Variants in AGAP1 observed in about 807,000 individuals in gnomAD.
AGAP1 encodes the protein arf-GAP with GTPase, ANK repeat and PH domain-containing protein 1.
Under a neutral mutation model 105.3 loss-of-function variants are expected in AGAP1, and 29 were observed. That is an observed-to-expected ratio of 0.28 (90% CI 0.21 to 0.38). AGAP1 has a LOEUF of 0.38. Ranked by LOEUF, AGAP1 falls within the 10% of genes least tolerant of loss-of-function variation. The pLI is 1.00. For synonymous variants in AGAP1, 509 were observed against 485.9 expected (o/e 1.05, Z -0.63); for missense variants, 998 against 1,165.1 (o/e 0.86, Z 2.09).
intron 1 of AGAP1, among the ~76,000 whole-genome samples, chr2:235,531,034 TAGAAAGTACAGTG>T (rs1424547802): frequency 6.6e-6 from 1 of 152,210 alleles, no homozygotes; most frequent in Non-Finnish European, 1.5e-5. Context: ...CACTTCAGTT[TAGAAAGTACAGTG>T]AGAAAACCAG....
intron 11 of AGAP1, among the ~76,000 whole-genome samples, chr2:235,928,154 T>C (rs1278422666): frequency 6.6e-6 from 1 of 152,184 alleles, no homozygotes; most frequent in African/African-American, 2.4e-5. Flanking sequence ...TTTCCACCTT[T>C]GCGGAGTCCT....
Position 235,550,408 on chromosome 2 carries a change from A to G in AGAP1, c.163+55559A>G, listed in dbSNP as rs1442591248. ...TCATAGCTGTTCGTCATTGGGAGTC[A>G]CTGAGCATGCACACGGGCTGTCAGG... On this transcript the variant is annotated intron_variant, in intron 1 of 17. Transcript: ENST00000304032. This position sits in a 1 kb window ranked among gnomAD's most constrained non-coding sequence, Gnocchi z 4.6. Among the ~76,000 whole-genome samples the G allele has an allele frequency of 6.6e-6, 1 of 152,194 alleles. No homozygotes were observed. Among genetic ancestry groups the G allele is most frequent in the Non-Finnish European group, 1.5e-5 (1 of 68,036 alleles).
In AGAP1 at chr2:235,962,839, G is replaced by A. The variant is rs1397815632; in HGVS notation, c.1484-5623G>A. 6.6e-6 allele frequency among the ~76,000 whole-genome samples: 1 copy of A among 152,148 alleles called. No individual in the cohort carries two copies. Among genetic ancestry groups the A allele is most frequent in the African/African-American group, 2.4e-5 (1 of 41,412 alleles). The stretch of plus-strand genomic sequence containing the variant: ...GGCAGGGGCTGTCCTGTGCATTGTA[G>A]GGCATTTTTCAGCACCTCTGGCTTC... On this transcript the variant is annotated intron_variant, in intron 12 of 17. Coordinates refer to ENST00000304032, the MANE Select transcript of AGAP1 (RefSeq NM_001037131.3). This position sits in a 1 kb window ranked among gnomAD's most constrained non-coding sequence, Gnocchi z 5.3.
chr2:235,991,892 G>A (rs1270704142), intron 13 of AGAP1, among the ~76,000 whole-genome samples: 1 of 152,184 alleles, frequency 6.6e-6, no homozygotes, highest in Non-Finnish European at 1.5e-5. Flanking sequence ...CTTGAATTGT[G>A]AGTCGGGGAA....
At position 235,747,601 on chromosome 2, in the gene AGAP1, T is replaced by TG. The variant is rs557772759; in HGVS notation, c.539-2751dup. Among the ~76,000 whole-genome samples, 85 of 152,332 alleles carry TG rather than the reference T, an allele frequency of 5.6e-4. No individual in the cohort carries two copies. The South Asian group carries it at 0.016, about 29-fold the overall frequency. ...GTATTCCTCACCTGCGGGATTCTCT[T>TG]GGTCCTTCCCTAGACTTCAGGGAGC... is the stretch of plus-strand genomic sequence containing the variant. On this transcript the variant is annotated intron_variant, in intron 5 of 17. Transcript: ENST00000304032. The surrounding 1 kb of genome is among the most constrained non-coding windows in gnomAD (Gnocchi z 5.0).
At chr2:235,943,788 G>A (rs1210190375) in intron 12 of AGAP1, among the ~76,000 whole-genome samples, 1 of 152,218 alleles carries the variant, frequency 6.6e-6, no homozygotes, top group African/African-American at 2.4e-5. Context: ...AGAGATGGGT[G>A]ACAGAGGGTG....
chr2:235,796,970 A>C (rs1388425958), intron 6 of AGAP1, among the ~76,000 whole-genome samples: 1 of 152,210 alleles, frequency 6.6e-6, no homozygotes, highest in Non-Finnish European at 1.5e-5. Context: ...TTGCCAAGAG[A>C]AGTTATGGCT....
rs1010544659 is a variant in AGAP1, at chr2:235,866,452, G to A, written c.1051-16893G>A. 6.6e-6 allele frequency among the ~76,000 whole-genome samples: 1 copy of A among 152,186 alleles called. No individual in the cohort carries two copies. The highest frequency in any genetic ancestry group is 1.5e-5 in the Non-Finnish European group (1 of 68,034). Reference sequence around the variant, plus strand: ...GACTCCAGCAAGTGGGGAAGAGACAGCGGAAGTCCCCAGTGTGACACCAGG... The same window carrying A: ...GACTCCAGCAAGTGGGGAAGAGACAACGGAAGTCCCCAGTGTGACACCAGG... On this transcript the variant is annotated intron_variant, in intron 9 of 17. Transcript: ENST00000304032. The surrounding 1 kb of genome is among the most constrained non-coding windows in gnomAD (Gnocchi z 6.1).
intron 1 of AGAP1, among the ~76,000 whole-genome samples, chr2:235,584,886 G>A (rs1238763726): frequency 6.8e-6 from 1 of 147,882 alleles, no homozygotes; most frequent in Non-Finnish European, 1.5e-5. Flanking sequence ...ATCGTGTATC[G>A]TGGCTAAGTC....
intron 1 of AGAP1, among the ~76,000 whole-genome samples, chr2:235,523,563 C>T (rs1409552806): frequency 1.3e-5 from 2 of 152,248 alleles, no homozygotes; most frequent in South Asian, 2.1e-4. Flanking sequence ...CCGCTAAGCT[C>T]CCTCCCAGCC....
In AGAP1 at chr2:235,612,622, T is replaced by C. The variant is rs1946166559; in HGVS notation, c.164-96557T>C. Among the ~76,000 whole-genome samples, 1 of 152,228 alleles carries C rather than the reference T, an allele frequency of 6.6e-6. No individual in the cohort carries two copies. The highest frequency in any genetic ancestry group is 2.4e-5 in the African/African-American group (1 of 41,462). ...AGAACCTGCAAATGCATGAAACTCA[T>C]GTTAAGAACAGTTGTGGTTCACGTG... is the stretch of plus-strand genomic sequence containing the variant. On this transcript the variant is annotated intron_variant, in intron 1 of 17. Transcript: ENST00000304032. This position sits in a 1 kb window ranked among gnomAD's most constrained non-coding sequence, Gnocchi z 4.3.
In AGAP1 at chr2:235,988,671, G is replaced by T. The variant is rs545912450; in HGVS notation, c.1645+20048G>T. 9.2e-5 allele frequency among the ~76,000 whole-genome samples: 14 copies of T among 152,228 alleles called. No individual in the cohort carries two copies. The highest frequency in any genetic ancestry group is 8.5e-4 in the Admixed American group (13 of 15,286). ...TTCCAGTAATGAGGGGGCCCAGTGG[G>T]TAAATGGAATCTTAAAGACGAGAAA... On this transcript the variant is annotated intron_variant, in intron 13 of 17. Coordinates refer to ENST00000304032, the MANE Select transcript of AGAP1 (RefSeq NM_001037131.3). The surrounding 1 kb of genome is among the most constrained non-coding windows in gnomAD (Gnocchi z 4.7).
At chr2:235,646,682 G>A (rs1276505596) in intron 1 of AGAP1, among the ~76,000 whole-genome samples, 1 of 152,108 alleles carries the variant, frequency 6.6e-6, no homozygotes, top group African/African-American at 2.4e-5. Context: ...TCTAACCCCT[G>A]AACAACAACT....
In AGAP1 at chr2:235,712,245, C is replaced by G. The variant is rs2149524662; in HGVS notation, c.222+3008C>G. 6.6e-6 allele frequency among the ~76,000 whole-genome samples: 1 copy of G among 152,304 alleles called. No homozygotes were observed. The highest frequency in any genetic ancestry group is 1.9e-4 in the East Asian group (1 of 5,170). ...ATGTTGGCCAGGCTATGCTCAAACT[C>G]CTGACCTCGTCATCCGCCTGCCTTG... On this transcript the variant is annotated intron_variant, in intron 2 of 17. Transcript: ENST00000304032. The surrounding 1 kb of genome is among the most constrained non-coding windows in gnomAD (Gnocchi z 6.0).
intron 5 of AGAP1, among the ~76,000 whole-genome samples, chr2:235,749,801 C>T (rs1273920760): frequency 6.6e-6 from 1 of 152,222 alleles, no homozygotes; most frequent in African/African-American, 2.4e-5. Flanking sequence ...TCTTTCTTTT[C>T]TGCTTGCCTC....
chr2:235,918,614 T>C (rs917696488), intron 11 of AGAP1, among the ~76,000 whole-genome samples: 1 of 152,226 alleles, frequency 6.6e-6, no homozygotes. Flanking sequence ...GTAAACTCTT[T>C]GAGGCATACA....
intron 1 of AGAP1, among the ~76,000 whole-genome samples, chr2:235,542,253 G>T (rs754874169): frequency 6.6e-6 from 1 of 152,226 alleles, no homozygotes; most frequent in Non-Finnish European, 1.5e-5. Flanking sequence ...CCGGAGTTAG[G>T]TGTTTGAAGC....
rs1403183429 is a variant in AGAP1 at position 235,659,252 on chromosome 2, T to C, written c.164-49927T>C. Among the ~76,000 whole-genome samples, 1 of 152,174 alleles carries C rather than the reference T, an allele frequency of 6.6e-6. No homozygotes were observed. The highest frequency in any genetic ancestry group is 1.5e-5 in the Non-Finnish European group (1 of 68,026). ...GACCTTTTTAACCTGTGACTGACTTTTTATGTCTTTCTATGTCTGTAAAAT... is the reference window on the plus strand; with the variant it reads ...GACCTTTTTAACCTGTGACTGACTTCTTATGTCTTTCTATGTCTGTAAAAT... On this transcript the variant is annotated intron_variant, in intron 1 of 17. Coordinates refer to ENST00000304032, the MANE Select transcript of AGAP1 (RefSeq NM_001037131.3). This position sits in a 1 kb window ranked among gnomAD's most constrained non-coding sequence, Gnocchi z 5.0.
intron 16 of AGAP1, among the ~76,000 whole-genome samples, chr2:236,099,986 G>A (rs1378490085): frequency 6.6e-6 from 1 of 152,138 alleles, no homozygotes; most frequent in Non-Finnish European, 1.5e-5. Flanking sequence ...GTTCCAGTGA[G>A]CCGAGATCAG....
Sources: allele counts gnomAD v4.1 joint callset (sites outside exome capture counted in the v4.1 genomes callset), GRCh38; gene constraint gnomAD v4.1.1; non-coding constraint Gnocchi (gnomAD v3.1); transcripts MANE v1.5; gene names NCBI Gene and HGNC (gene_info 2026-07-23, HGNC 2026-07-21).